The following HIF1A variants were observed in gnomAD, a reference collection of about 807,000 sequenced individuals.
HIF1A encodes the protein hypoxia inducible factor 1 subunit alpha.
Under a neutral mutation model 92.7 loss-of-function variants are expected in HIF1A, and 24 were observed. The observed-to-expected ratio is 0.26, with a 90% CI of 0.19 to 0.36. The LOEUF is 0.36. HIF1A is among the 10% of genes least tolerant of loss of function. HIF1A has a pLI of 1.00. For synonymous variants in HIF1A, 319 were observed against 338.7 expected (o/e 0.94, Z 0.64); for missense variants, 799 against 998.5 (o/e 0.80, Z 2.69).
chr14:61,705,047 A>C (rs529794373), intron 1 of HIF1A, among the ~76,000 whole-genome samples: 136 of 152,278 alleles, frequency 8.9e-4, no homozygotes, highest in Middle Eastern at 3.4e-3. Flanking sequence ...ATACATACAC[A>C]AAACATTCTC....
chr14:61,728,344 G>A (rs2044533696), intron 6 of HIF1A, among the ~76,000 whole-genome samples: 1 of 152,178 alleles, frequency 6.6e-6, no homozygotes, highest in African/African-American at 2.4e-5. Context: ...TCCCTGAGAA[G>A]CTTCAACCTT....
At chr14:61,702,885 T>A (rs1324834645) in intron 1 of HIF1A, among the ~76,000 whole-genome samples, 1 of 152,242 alleles carries the variant, frequency 6.6e-6, no homozygotes, top group African/African-American at 2.4e-5. Flanking sequence ...AGTACTGTTT[T>A]TAACCTGCTT....
intron 6 of HIF1A, among the ~76,000 whole-genome samples, chr14:61,728,603 T>C (rs2044536861): frequency 6.6e-6 from 1 of 152,218 alleles, no homozygotes; most frequent in Admixed American, 6.5e-5. Flanking sequence ...ATCTGTAACT[T>C]TTCTTTTACA....
At position 61,714,193 on chromosome 14, in the gene HIF1A, C is replaced by T. The variant is rs73329700; in HGVS notation, c.36-6189C>T. The stretch of plus-strand genomic sequence containing the variant: ...ACACCAAATTGAATGTTTGCTGGAA[C>T]GTTCAAAAATCTAAGCTTCCCAAAT... On this transcript the variant is annotated intron_variant, in intron 1 of 14. Coordinates refer to ENST00000337138, the MANE Select transcript of HIF1A (RefSeq NM_001530.4). Among the ~76,000 whole-genome samples, 831 of 152,204 alleles carry T rather than the reference C, an allele frequency of 5.5e-3. 6 individuals are homozygous for T. The highest frequency in any genetic ancestry group is 0.018 in the African/African-American group (730 of 41,534).
Position 61,710,813 on chromosome 14 carries a change from C to G in HIF1A, c.36-9569C>G, listed in dbSNP as rs370347218. Among the ~76,000 whole-genome samples, 3 of 152,212 alleles carry G rather than the reference C, an allele frequency of 2.0e-5. No homozygotes were observed. The East Asian group carries it at 5.8e-4, about 29-fold the overall frequency. ...CGGTGGCTCACGCCTGTAATCCCAGCACTTTGGGAGGCTGAGGCAGGCGGA... is the reference window on the plus strand; with the variant it reads ...CGGTGGCTCACGCCTGTAATCCCAGGACTTTGGGAGGCTGAGGCAGGCGGA... On this transcript the variant is annotated intron_variant, in intron 1 of 14. Transcript: ENST00000337138.
At chr14:61,702,439 CAAAAAAA>C (rs149442775) in intron 1 of HIF1A, among the ~76,000 whole-genome samples, 4 of 78,794 alleles carry the variant, frequency 5.1e-5, no homozygotes, top group South Asian at 3.8e-4. Context: ...ATGCTGTCTC[CAAAAAAA>C]AAAAAAAAAA....
rs1003250403 is a variant in HIF1A, at chr14:61,748,095, T to C, written c.*1010T>C. 1 of 152,530 alleles carries C rather than the reference T, an allele frequency of 6.6e-6. No homozygotes were observed. The highest frequency in any genetic ancestry group is 2.1e-4 in the South Asian group (1 of 4,834). The allele number at this position is 152,530 out of a possible 1,614,324, so 9.4% of individuals were successfully genotyped here. Reference sequence around the variant, plus strand: ...TTTCATGTAGATTTCAATAATTGAGTAATTTTAGAAGCATTATTTTAGGAA... The same window carrying C: ...TTTCATGTAGATTTCAATAATTGAGCAATTTTAGAAGCATTATTTTAGGAA... On this transcript the variant is annotated 3_prime_UTR_variant, in exon 15 of 15. Coordinates refer to ENST00000337138, the MANE Select transcript of HIF1A (RefSeq NM_001530.4).
chr14:61,715,212 A>G (rs1254806271), intron 1 of HIF1A, among the ~76,000 whole-genome samples: 1 of 152,164 alleles, frequency 6.6e-6, no homozygotes, highest in Non-Finnish European at 1.5e-5. Flanking sequence ...ACCGGAAGGG[A>G]TTACCTTGCT....
At position 61,738,166 on chromosome 14, in the gene HIF1A, A is replaced by G. The variant is rs2044662110; in HGVS notation, c.1329A>G (p.Leu443=). Residue 443 remains leucine, a synonymous_variant, in exon 10 of 15, where the codon TTA becomes TTG. Coordinates refer to ENST00000337138, the MANE Select transcript of HIF1A (RefSeq NM_001530.4). ...TGCTCCCCTCACCCAACGAAAAATTACAGAATATAAATTTGGCAATGTCTC... is the reference window on the plus strand; with the variant it reads ...TGCTCCCCTCACCCAACGAAAAATTGCAGAATATAAATTTGGCAATGTCTC... ...DVMLPSPNEK[L]QNINLAMSPL... 1.2e-6 allele frequency: 2 copies of G among 1,614,160 alleles called. No homozygotes were observed. Among genetic ancestry groups the G allele is most frequent in the East Asian group, 2.2e-5 (1 of 44,888 alleles).
At chr14:61,726,008 C>T (rs1299139343) in intron 4 of HIF1A, among the ~76,000 whole-genome samples, 1 of 151,334 alleles carries the variant, frequency 6.6e-6, no homozygotes. Context: ...TTAGTAGAGA[C>T]AGGGTTTCAC....
At chr14:61,698,761 T>G (rs1006500741) in intron 1 of HIF1A, 5 of 152,206 alleles carry the variant, frequency 3.3e-5, no homozygotes, top group Admixed American at 6.5e-5. Flanking sequence ...TTATTTTTCT[T>G]GAGCATCTGA....
At chr14:61,730,347 A>G (rs1228307720) in intron 6 of HIF1A, among the ~76,000 whole-genome samples, 1 of 152,188 alleles carries the variant, frequency 6.6e-6, no homozygotes, top group Non-Finnish European at 1.5e-5. Context: ...ACTTCTTGGT[A>G]TCTTTTAGTG....
intron 1 of HIF1A, among the ~76,000 whole-genome samples, chr14:61,706,509 A>C (rs1016384355): frequency 1.3e-5 from 2 of 152,172 alleles, no homozygotes; most frequent in Non-Finnish European, 2.9e-5. Context: ...CACTATATTC[A>C]GTGTTTTGCC....
At chr14:61,715,498 T>G (rs1298844254) in intron 1 of HIF1A, 1 of 152,196 alleles carries the variant, frequency 6.6e-6, no homozygotes, top group Non-Finnish European at 1.5e-5. Flanking sequence ...AGAGACAACA[T>G]AGTCTAGTGT....
chr14:61,745,955 G>C lies in HIF1A; in HGVS notation c.2329+138G>C, dbSNP rs1235154625. Reference sequence around the variant, plus strand: ...AAGTAAAGTTGTGGCTGGGCGCGGTGGCTCACACCTGTAATCCCAGCACTT... The same window carrying C: ...AAGTAAAGTTGTGGCTGGGCGCGGTCGCTCACACCTGTAATCCCAGCACTT... On this transcript the variant is annotated intron_variant, in intron 14 of 14. Transcript: ENST00000337138. 5 of 730,904 alleles carry C rather than the reference G, an allele frequency of 6.8e-6. No individual in the cohort carries two copies. The East Asian group carries it at 1.4e-4, about 21-fold the overall frequency. 45.3% of individuals were successfully genotyped at this position (730,904 alleles called of 1,614,324 possible). A position where few individuals can be genotyped will look rare whatever the true frequency, so the allele number is the denominator to read the frequency against.
chr14:61,700,757 C>T (rs1013989586), intron 1 of HIF1A, among the ~76,000 whole-genome samples: 2 of 152,184 alleles, frequency 1.3e-5, no homozygotes, highest in African/African-American at 2.4e-5. Context: ...CAACAGTGCA[C>T]AAGGGTTCCT....
At chr14:61,725,933 C>T (rs182356253) in intron 4 of HIF1A, among the ~76,000 whole-genome samples, 1 of 152,118 alleles carries the variant, frequency 6.6e-6, no homozygotes, top group East Asian at 1.9e-4. Context: ...GATTCCCCTG[C>T]CTCAGTCTCC....
chr14:61,716,242 T>A (rs2044362525), intron 1 of HIF1A, among the ~76,000 whole-genome samples: 1 of 151,678 alleles, frequency 6.6e-6, no homozygotes, highest in Non-Finnish European at 1.5e-5. Context: ...GAGACAAAAA[T>A]GGGCACAGAA....
intron 5 of HIF1A, among the ~76,000 whole-genome samples, 167 bp downstream of exon 5, chr14:61,726,985 C>T (rs1180849899): frequency 6.6e-6 from 1 of 152,140 alleles, no homozygotes; most frequent in Non-Finnish European, 1.5e-5. Context: ...AATGCAGAAC[C>T]GTGTAGTAAT....
Sources: gnomAD v4.1 joint callset for allele counts (sites outside exome capture counted in the v4.1 genomes callset) on GRCh38, gnomAD v4.1.1 for gene constraint, MANE v1.5 for transcripts, NCBI Gene and HGNC (gene_info 2026-07-23, HGNC 2026-07-21) for gene names.